The following RANBP3 variants were observed in gnomAD, a reference collection of about 807,000 sequenced individuals.
The protein encoded by RANBP3 is ran-binding protein 3.
RANBP3 carries 14 observed loss-of-function variants against 77.3 expected under a neutral mutation model. That is an observed-to-expected ratio of 0.18 (90% CI 0.12 to 0.28). RANBP3 has a LOEUF of 0.28. Ranked by LOEUF, RANBP3 falls within the 10% of genes least tolerant of loss-of-function variation. The pLI is 1.00. For synonymous variants in RANBP3, 315 were observed against 312.4 expected, an observed-to-expected ratio of 1.01 and a Z score of -0.09; for missense variants, 586 against 752.3, an observed-to-expected ratio of 0.78 and a Z score of 2.59.
intron 8 of RANBP3, among the ~76,000 whole-genome samples, chr19:5,928,770 CTT>C (rs56002800): frequency 0.7 from 106,905 of 151,862 alleles, 37,906 homozygotes; most frequent in Admixed American, 0.79. Flanking sequence ...GTAGGCATGA[CTT>C]TTTTGTAACT....
intron 2 of RANBP3, among the ~76,000 whole-genome samples, chr19:5,954,710 A>T (rs1011691058): frequency 6.6e-6 from 1 of 152,216 alleles, no homozygotes; most frequent in African/African-American, 2.4e-5. Context: ...GGAGAGCAAG[A>T]CAGGGATGGG....
chr19:5,926,121 G>A (rs2057906050), intron 9 of RANBP3, among the ~76,000 whole-genome samples: 1 of 152,084 alleles, frequency 6.6e-6, no homozygotes, highest in Non-Finnish European at 1.5e-5. Context: ...ATTTCTTGAG[G>A]GCCTCTTTCC....
intron 2 of RANBP3, among the ~76,000 whole-genome samples, chr19:5,955,858 T>C (rs1169740759): frequency 1.3e-5 from 2 of 152,182 alleles, no homozygotes; most frequent in African/African-American, 2.4e-5. Flanking sequence ...TCCCAGCACT[T>C]TGGGAGGCTG....
At chr19:5,950,265 G>T (rs570312672) in intron 3 of RANBP3, among the ~76,000 whole-genome samples, 120 of 152,246 alleles carry the variant, frequency 7.9e-4, no homozygotes, top group African/African-American at 2.6e-3. Context: ...ACTCCTTCCC[G>T]CGGCTCCCGT....
In RANBP3 at chr19:5,918,577, C is replaced by A; in HGVS notation, c.1392G>T (p.Gln464His). The change falls in exon 15 of 17, where the codon CAG (glutamine) becomes CAT (histidine). Residue 464 changes from glutamine (Q) to histidine (H), a missense_variant. Physicochemically the swap from Gln to His is conservative, Grantham distance 24. Around this residue, in one of 5 missense-constraint regions of RANBP3, gnomAD observed 128 missense variants for 157.0 expected, o/e 0.82. Transcript: ENST00000340578. ...TGCTCTTCTCGCTGGCCTTGTCGAT[C>A]TGCATCTGGGCCCACAGCTTGGTGT... ...ILNTKLWAQM[Q>H]IDKASEKSIR... The A allele has an allele frequency of 6.2e-7, 1 of 1,613,896 alleles. No individual in the cohort carries two copies. Among genetic ancestry groups the A allele is most frequent in the Non-Finnish European group, 8.5e-7 (1 of 1,179,944 alleles).
At position 5,923,794 on chromosome 19, in the gene RANBP3, G is replaced by C. The variant is rs373775887; in HGVS notation, c.1099+18C>G. 1.1e-5 allele frequency: 17 copies of C among 1,575,740 alleles called. No individual in the cohort carries two copies. The African/African-American group carries it at 1.8e-4, about 16-fold the overall frequency. On this transcript the variant is annotated intron_variant, in intron 12 of 16. Transcript: ENST00000340578. Reference sequence around the variant, plus strand: ...TGACCTACCATGAGCCCCATGCTGTGGTGGGACGCTAACATACCTTTCTCA... The same window carrying C: ...TGACCTACCATGAGCCCCATGCTGTCGTGGGACGCTAACATACCTTTCTCA...
Position 5,951,508 on chromosome 19 carries a change from T to G in RANBP3, c.167A>C (p.Glu56Ala). The change falls in exon 3 of 17, where the codon GAG (glutamate) becomes GCG (alanine). Residue 56 changes from glutamate (E) to alanine (A), a missense_variant. Glu to Ala is a moderately radical substitution (Grantham distance 107). Coordinates refer to ENST00000340578, the MANE Select transcript of RANBP3 (RefSeq NM_007322.3). ...EAPHHGTGHP[E>A]SAGEHALEPP... is the part of the protein sequence containing the mutation. ...TTCTAGGGCATGCTCGCCAGCTGAC[T>G]CGGGGTGACCCGTGCCATGGTGGGG... 6.2e-7 allele frequency: 1 copy of G among 1,611,682 alleles called. No homozygotes were observed. Among genetic ancestry groups the G allele is most frequent in the Middle Eastern group, 1.7e-4 (1 of 6,038 alleles).
At position 5,957,929 on chromosome 19, in the gene RANBP3, T is replaced by C. The variant is rs1417689196; in HGVS notation, c.67A>G (p.Lys23Glu). The C allele has an allele frequency of 2.5e-6, 4 of 1,614,222 alleles. No individual in the cohort carries two copies. Among genetic ancestry groups the C allele is most frequent in the Non-Finnish European group, 3.4e-6 (4 of 1,180,044 alleles). ...TACCGGCCCCTTACCTTTTGTCCTT[T>C]ATCCTTCTGAAACACAAAGACGGGC... ...APPVFVFQKD[K>E]GQKSPAEQKN... Residue 23 changes from lysine to glutamate, a missense_variant, in exon 2 of 17, where the codon AAA (lysine) becomes GAA (glutamate). By Grantham distance (56) the Lys-to-Glu change is moderately conservative. Coordinates refer to ENST00000340578, the MANE Select transcript of RANBP3 (RefSeq NM_007322.3).
rs2057876001 is a variant in RANBP3, at chr19:5,924,598, G to T, written c.996+229C>A. The stretch of plus-strand genomic sequence containing the variant: ...CCCATCTTGGGATGAAGTTGGCCCT[G>T]GTCAGCACGGAGGAGCCGGGAAAAG... On this transcript the variant is annotated intron_variant, in intron 11 of 16. Coordinates refer to ENST00000340578, the MANE Select transcript of RANBP3 (RefSeq NM_007322.3). This position sits in a 1 kb window ranked among gnomAD's most constrained non-coding sequence, Gnocchi z 4.7. 1.3e-5 allele frequency among the ~76,000 whole-genome samples: 2 copies of T among 152,262 alleles called. No homozygotes were observed. Among genetic ancestry groups the T allele is most frequent in the South Asian group, 4.1e-4 (2 of 4,836 alleles).
chr19:5,942,164 C>T (rs1334315420), intron 3 of RANBP3, among the ~76,000 whole-genome samples: 9 of 152,188 alleles, frequency 5.9e-5, no homozygotes, highest in Admixed American at 5.9e-4. Context: ...CATCTGGCCC[C>T]CGTTCATTCT....
At chr19:5,957,038 G>A (rs1334407000) in intron 2 of RANBP3, among the ~76,000 whole-genome samples, 1 of 150,872 alleles carries the variant, frequency 6.6e-6, no homozygotes, top group African/African-American at 2.4e-5. Context: ...CCGCCGCTGG[G>A]CATCAGTGGG....
At chr19:5,930,630 G>A (rs1251742096) in intron 8 of RANBP3, among the ~76,000 whole-genome samples, 2 of 152,120 alleles carry the variant, frequency 1.3e-5, no homozygotes, top group Admixed American at 1.3e-4. Context: ...ATGCAGTGGT[G>A]TGACCTCGGC....
At chr19:5,945,002 G>A (rs556964646) in intron 3 of RANBP3, among the ~76,000 whole-genome samples, 10 of 152,134 alleles carry the variant, frequency 6.6e-5, no homozygotes, top group Admixed American at 2.6e-4. Context: ...ATCCAGTGAC[G>A]CCCTCCTTTT....
intron 5 of RANBP3, chr19:5,934,245 T>C (rs1261329500): frequency 6.6e-6 from 1 of 152,222 alleles, no homozygotes; most frequent in East Asian, 1.9e-4. Flanking sequence ...GGTGGTCTAA[T>C]CTGATCCACA....
intron 3 of RANBP3, among the ~76,000 whole-genome samples, chr19:5,942,450 ACTTTAG>A (rs1482231090): frequency 1.3e-5 from 2 of 152,126 alleles, no homozygotes; most frequent in African/African-American, 4.8e-5. Context: ...TATTCCACAA[ACTTTAG>A]CTTTAGAGTG....
At chr19:5,953,164 T>C (rs1651083934) in intron 2 of RANBP3, among the ~76,000 whole-genome samples, 1 of 152,202 alleles carries the variant, frequency 6.6e-6, no homozygotes, top group South Asian at 2.1e-4. Flanking sequence ...AGATGAATGA[T>C]TTGTATAAGT....
At chr19:5,942,255 C>A (rs1029241367) in intron 3 of RANBP3, among the ~76,000 whole-genome samples, 2 of 152,168 alleles carry the variant, frequency 1.3e-5, no homozygotes, top group Admixed American at 1.3e-4. Context: ...CGGATAGGAG[C>A]GATTTCCCTT....
chr19:5,968,981 AGGCCTCGCT>A (rs2058499817), intron 1 of RANBP3, among the ~76,000 whole-genome samples: 1 of 152,106 alleles, frequency 6.6e-6, no homozygotes, highest in Non-Finnish European at 1.5e-5. Context: ...TGAATGGGTA[AGGCCTCGCT>A]GAAGCTCACA....
chr19:5,948,906 A>C (rs2058241418), intron 3 of RANBP3, among the ~76,000 whole-genome samples: 1 of 152,172 alleles, frequency 6.6e-6, no homozygotes. Flanking sequence ...CACATCAAAC[A>C]GAGAACTTAA....
Sources: allele counts gnomAD v4.1 joint callset (sites outside exome capture counted in the v4.1 genomes callset), GRCh38; gene constraint gnomAD v4.1.1; regional missense constraint gnomAD v4.1.1; non-coding constraint Gnocchi (gnomAD v3.1); transcripts MANE v1.5; gene names NCBI Gene and HGNC (gene_info 2026-07-23, HGNC 2026-07-21).